The following RBFOX1 variants were observed in gnomAD, a reference collection of about 807,000 sequenced individuals.
The protein encoded by RBFOX1 is RNA binding protein fox-1 homolog 1.
Under a neutral mutation model 57.7 loss-of-function variants are expected in RBFOX1, and 8 were observed. The ratio of observed to expected loss-of-function variants is 0.14; its 90% confidence interval spans 0.08 to 0.25. The LOEUF (loss-of-function observed/expected upper bound fraction) is 0.25. RBFOX1 is among the 10% of genes least tolerant of loss of function. The pLI, the probability that RBFOX1 is intolerant of heterozygous loss-of-function variation, is 1.00. For synonymous variants in RBFOX1, 326 were observed against 222.4 expected (o/e 1.47, Z -4.15); for missense variants, 611 against 548.5 (o/e 1.11, Z -1.14).
At chr16:5,335,865 G>T (rs1189146236) in intron 1 of RBFOX1, among the ~76,000 whole-genome samples, 1 of 152,108 alleles carries the variant, frequency 6.6e-6, no homozygotes, top group Non-Finnish European at 1.5e-5. Flanking sequence ...CCGACTCTTT[G>T]GGGGTGGTGA....
intron 3 of RBFOX1, among the ~76,000 whole-genome samples, chr16:6,751,421 C>G (rs564711849): frequency 6.6e-6 from 1 of 152,196 alleles, no homozygotes; most frequent in East Asian, 1.9e-4. Context: ...GGAGGGTGGT[C>G]TGTATTCTTG....
chr16:6,820,482 C>T (rs2091076997), intron 3 of RBFOX1, among the ~76,000 whole-genome samples: 1 of 152,004 alleles, frequency 6.6e-6, no homozygotes, highest in Admixed American at 6.6e-5. Flanking sequence ...GATAGAAAAA[C>T]CGTCTCTACA....
Position 6,815,118 on chromosome 16 carries a change from C to T in RBFOX1, c.-16+160468C>T, listed in dbSNP as rs28657571. Among the ~76,000 whole-genome samples, 250 of 152,226 alleles carry T rather than the reference C, an allele frequency of 1.6e-3. 2 individuals are homozygous for T. Among genetic ancestry groups the T allele is most frequent in the African/African-American group, 5.9e-3 (245 of 41,544 alleles). ...TTTCTCCCCATTTCCGACCATATAG[C>T]GTAACTTCCGGGTGTTGCTACAGCA... is the stretch of plus-strand genomic sequence containing the variant. On this transcript the variant is annotated intron_variant, in intron 3 of 15. Transcript: ENST00000550418.
At chr16:5,364,600 C>T (rs941396562) in intron 1 of RBFOX1, among the ~76,000 whole-genome samples, 1 of 152,156 alleles carries the variant, frequency 6.6e-6, no homozygotes, top group Non-Finnish European at 1.5e-5. Flanking sequence ...AAAATCTCTC[C>T]CTAATGAATT....
chr16:7,341,239 C>T (rs1016786321), intron 4 of RBFOX1, among the ~76,000 whole-genome samples: 11 of 152,180 alleles, frequency 7.2e-5, no homozygotes, highest in Admixed American at 7.2e-4. Context: ...ACATTGAACT[C>T]AATACTCTGA....
rs544656369 is a variant in RBFOX1 at position 6,222,997 on chromosome 16, A to G, written c.-126-93998A>G. Among the ~76,000 whole-genome samples, 337 of 150,238 alleles carry G rather than the reference A, an allele frequency of 2.2e-3. 9 individuals carry two copies. The East Asian group carries it at 0.057, about 26-fold the overall frequency. On this transcript the variant is annotated intron_variant, in intron 1 of 15. Coordinates refer to ENST00000550418, the MANE Select transcript of RBFOX1 (RefSeq NM_018723.4). ...TAGTTTACTGAGAATGATGATTTCC[A>G]ATTTCATCCATGTCCCTACAAAGGA...
chr16:6,154,053 T>G (rs2096821726), intron 1 of RBFOX1, among the ~76,000 whole-genome samples: 1 of 152,234 alleles, frequency 6.6e-6, no homozygotes, highest in Admixed American at 6.5e-5. Context: ...CCAGACCTCA[T>G]GGAAACCTCC....
chr16:6,280,720 A>C (rs78289671), intron 1 of RBFOX1, among the ~76,000 whole-genome samples: 5,062 of 152,166 alleles, frequency 0.033, 208 homozygotes, highest in African/African-American at 0.095. Flanking sequence ...GGTTGGAAAC[A>C]TCACGGTTTA....
intron 1 of RBFOX1, among the ~76,000 whole-genome samples, chr16:5,297,190 C>G (rs2063691203): frequency 6.6e-6 from 1 of 152,294 alleles, no homozygotes; most frequent in African/African-American, 2.4e-5. Flanking sequence ...CATGTATTGG[C>G]TATTGTGAAT....
At chr16:7,598,839 G>C (rs1457862712) in intron 9 of RBFOX1, among the ~76,000 whole-genome samples, 2 of 152,088 alleles carry the variant, frequency 1.3e-5, no homozygotes, top group African/African-American at 4.8e-5. Context: ...CAGATAAATA[G>C]GTTCAGTCAG....
At chr16:6,145,477 A>G (rs2096750946) in intron 1 of RBFOX1, among the ~76,000 whole-genome samples, 1 of 152,162 alleles carries the variant, frequency 6.6e-6, no homozygotes, top group African/African-American at 2.4e-5. Flanking sequence ...TGCTATTGTG[A>G]ATAGTGCTAC....
chr16:7,489,772 C>T (rs2066449726), intron 4 of RBFOX1, among the ~76,000 whole-genome samples: 1 of 151,886 alleles, frequency 6.6e-6, no homozygotes, highest in African/African-American at 2.4e-5. Context: ...CCTCCCAACT[C>T]AGCCTTCCAG....
intron 1 of RBFOX1, among the ~76,000 whole-genome samples, chr16:6,159,630 G>C (rs2096863322): frequency 6.6e-6 from 1 of 152,128 alleles, no homozygotes; most frequent in African/African-American, 2.4e-5. Flanking sequence ...TCTGGCCATT[G>C]ACCTTCCCAC....
At chr16:7,677,225 C>A (rs2073605263) in intron 14 of RBFOX1, among the ~76,000 whole-genome samples, 1 of 151,422 alleles carries the variant, frequency 6.6e-6, no homozygotes, top group African/African-American at 2.4e-5. Flanking sequence ...GGAAGAAAAA[C>A]AGACCATGAT....
Position 6,111,097 on chromosome 16 carries a change from C to T in RBFOX1, c.-127+91105C>T, listed in dbSNP as rs140975201. Among the ~76,000 whole-genome samples, 18 of 152,090 alleles carry T rather than the reference C, an allele frequency of 1.2e-4. No homozygotes were observed. In the East Asian group the frequency reaches 3.1e-3, roughly 26 times the overall value. On this transcript the variant is annotated intron_variant, in intron 1 of 15. Coordinates refer to ENST00000550418, the MANE Select transcript of RBFOX1 (RefSeq NM_018723.4). The stretch of plus-strand genomic sequence containing the variant: ...TGCTAGACTTAGGAAGTGTGATTTG[C>T]CTTGAAGGATGGGCGAGAGAGGGAG...
chr16:5,701,841 A>G (rs1455355796), intron 3 of RBFOX1, among the ~76,000 whole-genome samples: 1 of 152,180 alleles, frequency 6.6e-6, no homozygotes, highest in Non-Finnish European at 1.5e-5. Flanking sequence ...GCCTTCCTGG[A>G]CCTTAGGTTT....
At chr16:7,374,356 G>T (rs1372269485) in intron 4 of RBFOX1, among the ~76,000 whole-genome samples, 1 of 152,178 alleles carries the variant, frequency 6.6e-6, no homozygotes, top group African/African-American at 2.4e-5. Flanking sequence ...AAATATTCCT[G>T]TCTGTCCTCC....
intron 2 of RBFOX1, among the ~76,000 whole-genome samples, chr16:5,521,137 C>A (rs373401825): frequency 6.6e-6 from 1 of 152,172 alleles, no homozygotes; most frequent in Non-Finnish European, 1.5e-5. Context: ...TGGTTGCAGT[C>A]TGGCTTTCCA....
chr16:5,353,870 C>A (rs139749938), intron 1 of RBFOX1, among the ~76,000 whole-genome samples: 5 of 151,970 alleles, frequency 3.3e-5, no homozygotes, highest in Admixed American at 2.6e-4. Flanking sequence ...CAAGACATGG[C>A]CTTTGCTCTC....
Sources: gnomAD v4.1 joint callset for allele counts (sites outside exome capture counted in the v4.1 genomes callset) on GRCh38, gnomAD v4.1.1 for gene constraint, MANE v1.5 for transcripts, NCBI Gene and HGNC (gene_info 2026-07-23, HGNC 2026-07-21) for gene names.